The following TMTC1 variants were observed in gnomAD, a reference collection of about 807,000 sequenced individuals.
The protein encoded by TMTC1 is protein O-mannosyl-transferase TMTC1.
TMTC1 carries 73 observed loss-of-function variants against 104.8 expected under a neutral mutation model. The ratio of observed to expected loss-of-function variants is 0.70; its 90% CI spans 0.58 to 0.85. The LOEUF is 0.85. Ranked by LOEUF, TMTC1 falls within the 40% of genes least tolerant of loss-of-function variation. The probability of loss-of-function intolerance (pLI) is 0.00; values close to 1 mark genes in which losing one functional copy is unlikely to be tolerated. For synonymous variants in TMTC1, 434 were observed against 428.7 expected, an observed-to-expected ratio of 1.01 and a Z score of -0.15; for missense variants, 1,035 against 1,096.1, an observed-to-expected ratio of 0.94 and a Z score of 0.79.
intron 5 of TMTC1, among the ~76,000 whole-genome samples, chr12:29,715,987 G>GTATTATTATTAT (rs140955615): frequency 3.1e-5 from 4 of 130,162 alleles, no homozygotes; most frequent in African/African-American, 1.2e-4. Context: ...GCCAAACTCA[G>GTATTATTATTAT]TATTATTATT....
intron 9 of TMTC1, 144 bp downstream of exon 9, chr12:29,571,961 G>A: frequency 1.3e-5 from 8 of 619,576 alleles, no homozygotes; most frequent in Non-Finnish European, 2.0e-5. Context: ...AAGACTCAGA[G>A]TCCAAGAGCT....
intron 5 of TMTC1, among the ~76,000 whole-genome samples, chr12:29,644,397 C>T (rs923485489): frequency 5.3e-5 from 8 of 151,648 alleles, no homozygotes; most frequent in Admixed American, 4.0e-4. Context: ...TAAAAGACTA[C>T]AAATATGGTG....
intron 5 of TMTC1, among the ~76,000 whole-genome samples, chr12:29,654,015 TC>T (rs927781637): frequency 2.6e-5 from 4 of 152,164 alleles, no homozygotes; most frequent in Non-Finnish European, 5.9e-5. Context: ...CCAAGAGAGT[TC>T]AGAAAAGAAT....
At chr12:29,593,226 T>C (rs1164197248) in intron 7 of TMTC1, among the ~76,000 whole-genome samples, 1 of 152,228 alleles carries the variant, frequency 6.6e-6, no homozygotes, top group Non-Finnish European at 1.5e-5. Flanking sequence ...CAATATTTCC[T>C]GCCAAACCCA....
At chr12:29,672,956 C>G (rs146990796) in intron 5 of TMTC1, among the ~76,000 whole-genome samples, 6 of 152,250 alleles carry the variant, frequency 3.9e-5, no homozygotes, top group Admixed American at 3.9e-4. Flanking sequence ...ACTTTTCTGG[C>G]CCCCACCCCT....
intron 2 of TMTC1, among the ~76,000 whole-genome samples, chr12:29,765,874 C>T (rs1240886998): frequency 2.0e-5 from 3 of 152,144 alleles, no homozygotes; most frequent in Non-Finnish European, 4.4e-5. Flanking sequence ...TCTTTGAACT[C>T]CAAGTTATTG....
chr12:29,528,908 T>C (rs912395652), intron 11 of TMTC1, among the ~76,000 whole-genome samples: 1 of 151,464 alleles, frequency 6.6e-6, no homozygotes, highest in Non-Finnish European at 1.5e-5. Context: ...ATAATTATTT[T>C]CAAAGCAAAA....
rs778060011 is a variant in TMTC1 at position 29,758,727 on chromosome 12, T to C, written c.531A>G (p.Leu177=). 22 of 1,613,566 alleles carry C rather than the reference T, an allele frequency of 1.4e-5. No homozygotes were observed. In the East Asian group the frequency reaches 4.0e-4, roughly 29 times the overall value. Residue 177 remains leucine, a synonymous_variant, in exon 3 of 18, where the codon CTA becomes CTG. Coordinates refer to ENST00000539277, the MANE Select transcript of TMTC1 (RefSeq NM_001193451.2). ...ACCTGTTGTACGAGAGAAAGGCCAA[T>C]AGAAACAGCAGACACGCTAACACGT... ...RADVLACLLF[L]LAFLSYNRSL...
At chr12:29,584,549 G>A (rs1017998015) in intron 7 of TMTC1, among the ~76,000 whole-genome samples, 7 of 151,648 alleles carry the variant, frequency 4.6e-5, no homozygotes, top group African/African-American at 7.3e-5. Context: ...CCATTAACTC[G>A]TCATTTAGCA....
chr12:29,775,345 C>G (rs1281224230), intron 1 of TMTC1, among the ~76,000 whole-genome samples: 4 of 152,154 alleles, frequency 2.6e-5, no homozygotes, highest in Admixed American at 1.3e-4. Context: ...AAACTCCTCA[C>G]ACTTCAGACA....
chr12:29,556,808 T>C (rs776029749), intron 10 of TMTC1, 49 bp downstream of exon 10: 4 of 1,609,258 alleles, frequency 2.5e-6, no homozygotes, highest in Non-Finnish European at 3.4e-6. Flanking sequence ...AAGGAAAGAG[T>C]TTCTTGGAAT....
At chr12:29,613,620 C>T (rs1946903281) in intron 6 of TMTC1, among the ~76,000 whole-genome samples, 4 of 152,050 alleles carry the variant, frequency 2.6e-5, no homozygotes, top group Non-Finnish European at 1.5e-5. Flanking sequence ...CAATTAAGAA[C>T]CAAGATGGAT....
chr12:29,739,493 T>C (rs559230718), intron 5 of TMTC1, among the ~76,000 whole-genome samples: 7 of 152,296 alleles, frequency 4.6e-5, no homozygotes, highest in Non-Finnish European at 7.4e-5. Context: ...ACTTCAAGCA[T>C]TGCACTTGCC....
At chr12:29,665,674 G>T (rs144843753) in intron 5 of TMTC1, among the ~76,000 whole-genome samples, 11 of 152,296 alleles carry the variant, frequency 7.2e-5, no homozygotes, top group African/African-American at 2.6e-4. Flanking sequence ...AACCTAGTCA[G>T]GTTCCTGAAC....
In TMTC1 at chr12:29,609,860, G is replaced by C. The variant is rs2136423406; in HGVS notation, c.1129-5561C>G. On this transcript the variant is annotated intron_variant, in intron 6 of 17. Coordinates refer to ENST00000539277, the MANE Select transcript of TMTC1 (RefSeq NM_001193451.2). ...TGTTGCCTACCTGGCCTTCACTGCT[G>C]TGTCTGCTTTCATTTAAGTTTTAAC... 2 of 152,510 alleles carry C rather than the reference G, an allele frequency of 1.3e-5. 1 individual carries two copies. The highest frequency in any genetic ancestry group is 4.1e-4 in the South Asian group (2 of 4,838). 9.4% of individuals were successfully genotyped at this position (152,510 alleles called of 1,614,324 possible). A position where few individuals can be genotyped will look rare whatever the true frequency, so the allele number is the denominator to read the frequency against.
chr12:29,767,028 C>G (rs1044334147), intron 2 of TMTC1, among the ~76,000 whole-genome samples: 25 of 151,788 alleles, frequency 1.6e-4, no homozygotes, highest in African/African-American at 4.6e-4. Flanking sequence ...TGGCTCACTG[C>G]AACCTCCACC....
chr12:29,611,375 T>G (rs1946842658), intron 6 of TMTC1, among the ~76,000 whole-genome samples: 1 of 152,154 alleles, frequency 6.6e-6, no homozygotes, highest in East Asian at 1.9e-4. Flanking sequence ...ATTTCTAACT[T>G]TACTTGGAAA....
intron 10 of TMTC1, among the ~76,000 whole-genome samples, chr12:29,538,557 C>G (rs751569165): frequency 6.6e-6 from 1 of 151,886 alleles, no homozygotes; most frequent in Non-Finnish European, 1.5e-5. Flanking sequence ...ATAACATCTT[C>G]ATAGCAATGA....
intron 5 of TMTC1, among the ~76,000 whole-genome samples, chr12:29,638,405 T>G (rs1938666171): frequency 6.6e-6 from 1 of 151,832 alleles, no homozygotes; most frequent in Admixed American, 6.6e-5. Context: ...CCACTCCATC[T>G]CCCTTCTGGA....
Sources: allele counts gnomAD v4.1 joint callset (sites outside exome capture counted in the v4.1 genomes callset), GRCh38; gene constraint gnomAD v4.1.1; transcripts MANE v1.5; gene names NCBI Gene and HGNC (gene_info 2026-07-23, HGNC 2026-07-21).